Variants in RAD51B observed in about 807,000 individuals in gnomAD.
The protein encoded by RAD51B is DNA repair protein RAD51 homolog 2.
In RAD51B, 38 loss-of-function variants were observed where a neutral mutation model predicts 42.2. The ratio of observed to expected loss-of-function variants is 0.90; its 90% confidence interval spans 0.70 to 1.18. The LOEUF (loss-of-function observed/expected upper bound fraction) is 1.18. Ranked by LOEUF, RAD51B falls within the 50% of genes most tolerant of loss-of-function variation. RAD51B has a pLI of 0.00. For synonymous variants in RAD51B, 154 were observed against 145.2 expected, an observed-to-expected ratio of 1.06 and a Z score of -0.43; for missense variants, 373 against 400.7, an observed-to-expected ratio of 0.93 and a Z score of 0.59.
chr14:68,510,104 C>T lies in RAD51B; in HGVS notation c.1036+41854C>T, dbSNP rs532816848. The stretch of plus-strand genomic sequence containing the variant: ...GTGATCCCAGGCTCCTTCAAGCCCA[C>T]TGCTGAGTGGGGAGCAGTTTCTGTG... On this transcript the variant is annotated intron_variant, in intron 10 of 10. Coordinates refer to the RAD51B transcript ENST00000487270. Among the ~76,000 whole-genome samples, 22 of 152,330 alleles carry T rather than the reference C, an allele frequency of 1.4e-4. No homozygotes were observed. In the East Asian group the frequency reaches 4.1e-3, roughly 28 times the overall value.
chr14:67,976,781 G>C (rs993391396), intron 7 of RAD51B, among the ~76,000 whole-genome samples: 3 of 152,088 alleles, frequency 2.0e-5, no homozygotes, highest in African/African-American at 7.2e-5. Flanking sequence ...AACAGGCATC[G>C]TACAGAATGG....
intron 8 of RAD51B, among the ~76,000 whole-genome samples, chr14:68,328,745 T>C (rs544492756): frequency 1.3e-5 from 2 of 152,300 alleles, no homozygotes; most frequent in East Asian, 3.9e-4. Context: ...AATCCAACCA[T>C]AAGAATTTGG....
At chr14:68,343,208 C>A (rs562558270) in intron 8 of RAD51B, among the ~76,000 whole-genome samples, 1 of 152,188 alleles carries the variant, frequency 6.6e-6, no homozygotes, top group African/African-American at 2.4e-5. Flanking sequence ...TCACTATACT[C>A]GCCACACAAT....
chr14:68,333,581 T>C (rs1295513121), intron 8 of RAD51B, among the ~76,000 whole-genome samples: 1 of 152,232 alleles, frequency 6.6e-6, no homozygotes, highest in Non-Finnish European at 1.5e-5. Flanking sequence ...GGTAAAATTA[T>C]GTACAACAAA....
intron 10 of RAD51B, among the ~76,000 whole-genome samples, chr14:68,515,348 A>T (rs1886054806): frequency 6.6e-6 from 1 of 151,892 alleles, no homozygotes; most frequent in Non-Finnish European, 1.5e-5. Flanking sequence ...TGCCTAAATG[A>T]TGGTCTAACT....
chr14:68,433,366 C>T (rs2085063614), intron 9 of RAD51B, among the ~76,000 whole-genome samples: 3 of 152,314 alleles, frequency 2.0e-5, no homozygotes, highest in South Asian at 4.1e-4. Context: ...CCATTCTCCC[C>T]ATCACTTTCA....
chr14:68,660,144 T>G lies in RAD51B; in HGVS notation c.*11+9288T>G, dbSNP rs138367671. 4.1e-3 allele frequency among the ~76,000 whole-genome samples: 621 copies of G among 152,360 alleles called. 6 individuals are homozygous for G. The highest frequency in any genetic ancestry group is 0.014 in the African/African-American group (592 of 41,584). On this transcript the variant is annotated intron_variant, in intron 11 of 11. Transcript: ENST00000488612. Reference sequence around the variant, plus strand: ...CTGACTTGAAGAAGGCTGGCCCATCTAAAGGGGGCACCACCACTCAGTTTC... The same window carrying G: ...CTGACTTGAAGAAGGCTGGCCCATCGAAAGGGGGCACCACCACTCAGTTTC...
At chr14:68,182,578 T>C (rs771471281) in intron 7 of RAD51B, among the ~76,000 whole-genome samples, 7 of 151,778 alleles carry the variant, frequency 4.6e-5, no homozygotes, top group Non-Finnish European at 8.8e-5. Context: ...TGCATACACG[T>C]GTGTGTGTGT....
At chr14:67,989,975 G>A (rs2075266112) in intron 7 of RAD51B, among the ~76,000 whole-genome samples, 1 of 147,740 alleles carries the variant, frequency 6.8e-6, no homozygotes, top group Admixed American at 6.7e-5. Context: ...GCCATATACA[G>A]TGATTTTACT....
chr14:68,025,780 G>T (rs1274978293), intron 7 of RAD51B, among the ~76,000 whole-genome samples: 2 of 151,982 alleles, frequency 1.3e-5, no homozygotes, highest in Non-Finnish European at 2.9e-5. Flanking sequence ...TTAGCTAGCA[G>T]TCTATCAGTC....
At chr14:68,320,232 A>T (rs2082132710) in intron 8 of RAD51B, among the ~76,000 whole-genome samples, 1 of 152,192 alleles carries the variant, frequency 6.6e-6, no homozygotes, top group Admixed American at 6.5e-5. Context: ...GTCCGTGTGT[A>T]TCACACTGCA....
intron 11 of RAD51B, among the ~76,000 whole-genome samples, chr14:68,655,837 G>C (rs1421013691): frequency 6.6e-6 from 1 of 152,174 alleles, no homozygotes; most frequent in Non-Finnish European, 1.5e-5. Context: ...TTTTCTCTCT[G>C]TTGCTAGTGG....
chr14:67,979,832 A>G (rs1032918594), intron 7 of RAD51B, among the ~76,000 whole-genome samples: 2 of 152,184 alleles, frequency 1.3e-5, no homozygotes, highest in African/African-American at 4.8e-5. Context: ...AGTACATGAT[A>G]GATGTTAAAT....
At chr14:68,367,291 G>A (rs1361607673) in intron 8 of RAD51B, among the ~76,000 whole-genome samples, 1 of 152,154 alleles carries the variant, frequency 6.6e-6, no homozygotes, top group Admixed American at 6.5e-5. Flanking sequence ...CCCTTCCTTA[G>A]TCATAATTTT....
At chr14:68,630,230 C>T (rs1415268567) in intron 10 of RAD51B, among the ~76,000 whole-genome samples, 1 of 152,192 alleles carries the variant, frequency 6.6e-6, no homozygotes, top group Non-Finnish European at 1.5e-5. Context: ...TGCTAAGTGG[C>T]AGAGAAATCC....
chr14:68,288,783 A>G (rs1327620501), intron 7 of RAD51B, among the ~76,000 whole-genome samples: 1 of 152,198 alleles, frequency 6.6e-6, no homozygotes, highest in Non-Finnish European at 1.5e-5. Context: ...TTTTTTTCTC[A>G]TTACTATTAA....
chr14:68,030,139 GC>G (rs1433416422), intron 7 of RAD51B, among the ~76,000 whole-genome samples: 3 of 152,142 alleles, frequency 2.0e-5, no homozygotes, highest in African/African-American at 7.2e-5. Flanking sequence ...ATTCTTAGGA[GC>G]CTCGGATTTT....
At chr14:68,196,502 A>C (rs1305389915) in intron 7 of RAD51B, among the ~76,000 whole-genome samples, 4 of 152,038 alleles carry the variant, frequency 2.6e-5, no homozygotes, top group African/African-American at 9.7e-5. Context: ...CTCTCCATGG[A>C]ATAATAGTCT....
At chr14:68,097,017 C>A (rs982428701) in intron 7 of RAD51B, among the ~76,000 whole-genome samples, 3 of 152,194 alleles carry the variant, frequency 2.0e-5, no homozygotes, top group Non-Finnish European at 4.4e-5. Flanking sequence ...TCTCATTCCT[C>A]CTAGAAGTAT....
Sources: gnomAD v4.1 joint callset for allele counts (sites outside exome capture counted in the v4.1 genomes callset) on GRCh38, gnomAD v4.1.1 for gene constraint, MANE v1.5 for transcripts, NCBI Gene and HGNC (gene_info 2026-07-23, HGNC 2026-07-21) for gene names.